The following SDAD1 variants were observed in gnomAD, a reference collection of about 807,000 sequenced individuals.
SDAD1 encodes protein SDA1 homolog.
A neutral mutation model predicts 100.3 loss-of-function variants in SDAD1; 79 were observed. That is an observed-to-expected ratio of 0.79 (90% confidence interval 0.66 to 0.95). The LOEUF (loss-of-function observed/expected upper bound fraction) is 0.95. SDAD1 is among the 40% of genes least tolerant of loss of function. The pLI is 0.00. For synonymous variants in SDAD1, 267 were observed against 271.4 expected, an observed-to-expected ratio of 0.98 and a Z score of 0.16; for missense variants, 790 against 810.9, an observed-to-expected ratio of 0.97 and a Z score of 0.31.
At position 75,960,959 on chromosome 4, in the gene SDAD1, A is replaced by G. The variant is rs1729195045; in HGVS notation, c.1356+69T>C. On this transcript the variant is annotated intron_variant, in intron 16 of 21. Transcript: ENST00000356260. ...GAAGCATCATAAGTACTAAAATCCT[A>G]ATTGTAGGAAATTTCTCTCAGTTTG... 1.4e-5 allele frequency: 18 copies of G among 1,272,526 alleles called. No homozygotes were observed. The East Asian group carries it at 4.2e-4, about 29-fold the overall frequency. 78.8% of individuals were successfully genotyped at this position (1,272,526 alleles called of 1,614,324 possible).
intron 1 of SDAD1, among the ~76,000 whole-genome samples, chr4:75,989,073 G>A (rs574642379): frequency 4.9e-4 from 75 of 152,098 alleles, no homozygotes; most frequent in African/African-American, 1.7e-3. Flanking sequence ...ATCACTCCCC[G>A]AGGCACTCAG....
intron 4 of SDAD1, among the ~76,000 whole-genome samples, chr4:75,976,308 A>T (rs1730158173): frequency 6.6e-6 from 1 of 152,244 alleles, no homozygotes; most frequent in Non-Finnish European, 1.5e-5. Flanking sequence ...AAAAAGTGGA[A>T]ATAACTTAAA....
chr4:75,956,466 G>A (rs189777324), intron 20 of SDAD1, among the ~76,000 whole-genome samples: 36 of 150,236 alleles, frequency 2.4e-4, no homozygotes, highest in Middle Eastern at 3.4e-3. Context: ...GGGAAAGACA[G>A]AGCATTTCCG....
At chr4:75,964,925 G>C (rs1367351957) in intron 13 of SDAD1, among the ~76,000 whole-genome samples, 1 of 152,086 alleles carries the variant, frequency 6.6e-6, no homozygotes, top group Non-Finnish European at 1.5e-5. Flanking sequence ...TGTAGCCTCA[G>C]GACCCTGTGA....
At chr4:75,990,338 A>G (rs925391595) in intron 1 of SDAD1, among the ~76,000 whole-genome samples, 1 of 147,240 alleles carries the variant, frequency 6.8e-6, no homozygotes, top group African/African-American at 2.5e-5. Flanking sequence ...ACGGACGTCA[A>G]TCGAAAGCAT....
chr4:75,977,769 A>T lies in SDAD1; in HGVS notation c.295-13T>A. ...CTTTGCAAAATGTCTCGGGAAGGAA[A>T]AAAACATACCATAAGACAATGGTAA... is the stretch of plus-strand genomic sequence containing the variant. On this transcript the variant is annotated splice_polypyrimidine_tract_variant and intron_variant, in intron 3 of 21. Transcript: ENST00000356260. 6.7e-7 allele frequency: 1 copy of T among 1,486,416 alleles called. No individual in the cohort carries two copies. The highest frequency in any genetic ancestry group is 9.4e-7 in the Non-Finnish European group (1 of 1,066,602). 92.1% of individuals were successfully genotyped at this position (1,486,416 alleles called of 1,614,324 possible). A position where few individuals can be genotyped will look rare whatever the true frequency, so the allele number is the denominator to read the frequency against.
chr4:75,971,078 C>G (rs1431618228), intron 9 of SDAD1, among the ~76,000 whole-genome samples: 2 of 152,180 alleles, frequency 1.3e-5, no homozygotes, highest in Admixed American at 6.5e-5. Context: ...TTTATGTACT[C>G]TTCTGACAAA....
chr4:75,950,746 G>A lies in SDAD1; in HGVS notation c.*4C>T. 12 of 1,581,740 alleles carry A rather than the reference G, an allele frequency of 7.6e-6. No individual in the cohort carries two copies. The highest frequency in any genetic ancestry group is 1.1e-5 in the South Asian group (1 of 88,380). On this transcript the variant is annotated 3_prime_UTR_variant, in exon 22 of 22. Coordinates refer to ENST00000356260, the MANE Select transcript of SDAD1 (RefSeq NM_018115.4). ...CTTCTAGGAATGGAAAACTTGCCAG[G>A]AAGTTACTTCATTCTTTTTCTCTTT...
Position 75,977,801 on chromosome 4 carries a change from C to T in SDAD1, c.295-45G>A, listed in dbSNP as rs746220874. On this transcript the variant is annotated intron_variant, in intron 3 of 21. Coordinates refer to ENST00000356260, the MANE Select transcript of SDAD1 (RefSeq NM_018115.4). ...TACCATAAGACAATGGTAAAGTTAACAAGGTGAGAAAATACAGCGTATATG... is the reference window on the plus strand; with the variant it reads ...TACCATAAGACAATGGTAAAGTTAATAAGGTGAGAAAATACAGCGTATATG... The T allele has an allele frequency of 4.2e-6, 5 of 1,183,290 alleles. No homozygotes were observed. The South Asian group carries it at 6.3e-5, about 15-fold the overall frequency. 73.3% of individuals were successfully genotyped at this position (1,183,290 alleles called of 1,614,324 possible). A position where few individuals can be genotyped will look rare whatever the true frequency, so the allele number is the denominator to read the frequency against.
At chr4:75,982,429 C>T (rs1730589767) in intron 1 of SDAD1, among the ~76,000 whole-genome samples, 1 of 152,176 alleles carries the variant, frequency 6.6e-6, no homozygotes, top group Non-Finnish European at 1.5e-5. Context: ...GGGAGGATCA[C>T]TTGAGCCCAG....
At position 75,975,853 on chromosome 4, in the gene SDAD1, AAGG is replaced by A. The variant is rs1157731422; in HGVS notation, c.478-12_478-10del. On this transcript the variant is annotated splice_polypyrimidine_tract_variant and intron_variant, in intron 5 of 21. Coordinates refer to ENST00000356260, the MANE Select transcript of SDAD1 (RefSeq NM_018115.4). The stretch of plus-strand genomic sequence containing the variant: ...ATGAAATTTTGCAATACCTGCAGAA[AAGG>A]AGGAGAAAGAAGACTTAATGCACTG... The A allele has an allele frequency of 5.6e-6, 9 of 1,612,270 alleles. No individual in the cohort carries two copies. Among genetic ancestry groups the A allele is most frequent in the Non-Finnish European group, 7.6e-6 (9 of 1,178,362 alleles).
intron 17 of SDAD1, among the ~76,000 whole-genome samples, chr4:75,959,119 A>AAAAAC (rs1729084463): frequency 2.0e-5 from 3 of 149,848 alleles, no homozygotes; most frequent in Admixed American, 2.0e-4. Flanking sequence ...AAAAAAAAAA[A>AAAAAC]AAAAAAAAAC....
intron 3 of SDAD1, chr4:75,981,076 T>A (rs941178328): frequency 3.7e-6 from 1 of 268,470 alleles, no homozygotes; most frequent in Admixed American, 4.7e-5. Flanking sequence ...TTAAAGAGCA[T>A]CCTGTAGGGT....
chr4:75,965,218 G>C (rs1279086900), intron 13 of SDAD1, among the ~76,000 whole-genome samples: 2 of 152,182 alleles, frequency 1.3e-5, no homozygotes, highest in African/African-American at 4.8e-5. Flanking sequence ...TTGTAGATAA[G>C]GGATGAAATA....
chr4:75,963,831 T>C (rs1337429516), intron 14 of SDAD1, among the ~76,000 whole-genome samples: 1 of 152,154 alleles, frequency 6.6e-6, no homozygotes, highest in Admixed American at 6.5e-5. Context: ...TTATTAGCAG[T>C]ACAAAGTTTA....
At chr4:75,978,008 G>A (rs1730254053) in intron 3 of SDAD1, among the ~76,000 whole-genome samples, 2 of 152,156 alleles carry the variant, frequency 1.3e-5, no homozygotes, top group South Asian at 4.1e-4. Context: ...ACAGGGTTAT[G>A]TAATTGATCA....
intron 2 of SDAD1, 126 bp from the exon 3 acceptor site, chr4:75,981,596 A>G: frequency 6.8e-7 from 1 of 1,480,878 alleles, no homozygotes; most frequent in East Asian, 2.5e-5. Context: ...ATGGTTCCAA[A>G]CAACCTTCTT....
chr4:75,987,988 C>A (rs940731246), intron 1 of SDAD1, among the ~76,000 whole-genome samples: 1 of 152,142 alleles, frequency 6.6e-6, no homozygotes, highest in Non-Finnish European at 1.5e-5. Context: ...TACTTAGAAA[C>A]TCACTGGCCT....
intron 1 of SDAD1, among the ~76,000 whole-genome samples, chr4:75,984,331 T>C (rs1730739720): frequency 6.6e-6 from 1 of 151,998 alleles, no homozygotes; most frequent in Non-Finnish European, 1.5e-5. Flanking sequence ...CCAGCTGATT[T>C]TTCATTTTTA....
Sources: allele counts gnomAD v4.1 joint callset (sites outside exome capture counted in the v4.1 genomes callset), GRCh38; gene constraint gnomAD v4.1.1; transcripts MANE v1.5; gene names NCBI Gene and HGNC (gene_info 2026-07-23, HGNC 2026-07-21).